Variants in SNRNP35 observed in about 807,000 individuals in gnomAD.
The protein encoded by SNRNP35 is small nuclear ribonucleoprotein U11/U12 subunit 35, also known as U11/U12 small nuclear ribonucleoprotein 35 kDa protein.
A neutral mutation model predicts 24.3 loss-of-function variants in SNRNP35; 16 were observed. That is an observed-to-expected ratio of 0.66 (90% confidence interval 0.45 to 1.00). The LOEUF is 1.00. Among genes scored for constraint, SNRNP35 ranks in the 50% least tolerant of loss-of-function variants. The probability of loss-of-function intolerance (pLI) is 0.00; values close to 1 mark genes in which losing one functional copy is unlikely to be tolerated. For synonymous variants in SNRNP35, 106 were observed against 124.8 expected (o/e 0.85, Z 1.00); for missense variants, 292 against 327.2 (o/e 0.89, Z 0.83).
downstream of SNRNP35, chr12:123,470,473 C>CAAAAA (rs57574691): frequency 1.2e-5 from 1 of 86,160 alleles, no homozygotes; most frequent in South Asian, 4.2e-4. Context: ...ACCCTGTGTC[C>CAAAAA]AAAAAAAAAA....
At chr12:123,463,205 C>T (rs1047700412) in intron 1 of SNRNP35, among the ~76,000 whole-genome samples, 2 of 151,714 alleles carry the variant, frequency 1.3e-5, no homozygotes, top group African/African-American at 2.4e-5. Context: ...GGACTACAGG[C>T]GTGCACCACC....
chr12:123,461,697 G>A (rs1036536377), intron 1 of SNRNP35, among the ~76,000 whole-genome samples: 2 of 151,266 alleles, frequency 1.3e-5, no homozygotes, highest in African/African-American at 4.9e-5. Context: ...AGGTTTGCCT[G>A]ATTTGGACTA....
chr12:123,470,289 G>T (rs1881125171), downstream of SNRNP35: 1 of 151,306 alleles, frequency 6.6e-6, no homozygotes, highest in Non-Finnish European at 1.5e-5. Context: ...ACCAGCTTAG[G>T]CAACAAAGTA....
intron 1 of SNRNP35, among the ~76,000 whole-genome samples, chr12:123,464,245 T>G (rs1439970749): frequency 1.3e-5 from 2 of 149,502 alleles, no homozygotes; most frequent in Admixed American, 1.3e-4. Flanking sequence ...CCAAGGTTTT[T>G]TTTTTTTTTT....
chr12:123,469,875 TAA>T (rs34918592), downstream of SNRNP35, among the ~76,000 whole-genome samples: 17 of 146,524 alleles, frequency 1.2e-4, no homozygotes, highest in Admixed American at 2.7e-4. Context: ...GCCATTTAAA[TAA>T]AAAAAAAAAG....
downstream of SNRNP35, among the ~76,000 whole-genome samples, chr12:123,468,358 C>CAAAAAAA (rs62816460): frequency 2.2e-5 from 2 of 92,134 alleles, no homozygotes; most frequent in Non-Finnish European, 4.0e-5. Flanking sequence ...GACTCTGTCT[C>CAAAAAAA]AAAAAAAAAA....
chr12:123,472,180 C>A (rs973138429), exon 2 of SNRNP35: 2 of 241,292 alleles, frequency 8.3e-6, no homozygotes, highest in Admixed American at 9.8e-5. Flanking sequence ...GCATTTTATA[C>A]AAAGCAAGTC....
Position 123,466,381 on chromosome 12 carries a change from C to G in SNRNP35, c.*100C>G, listed in dbSNP as rs1322562154. On this transcript the variant is annotated 3_prime_UTR_variant, in exon 2 of 2. Transcript: ENST00000526639. ...GAGTCTAATGGTTGAATAAAACTTA[C>G]TGATGATCATGGGGTTTGGAATAGT... 2 of 1,243,490 alleles carry G rather than the reference C, an allele frequency of 1.6e-6. No individual in the cohort carries two copies. Among genetic ancestry groups the G allele is most frequent in the Non-Finnish European group, 2.2e-6 (2 of 912,112 alleles). The allele number at this position is 1,243,490 out of a possible 1,614,324, so 77.0% of individuals were successfully genotyped here.
At chr12:123,472,688 G>C (rs751190241) in exon 2 of SNRNP35, 3 of 1,593,152 alleles carry the variant, frequency 1.9e-6, no homozygotes, top group East Asian at 4.5e-5. Flanking sequence ...TAAACCTTTG[G>C]AAGGGAAAGC....
At chr12:123,459,991 C>G in intron 1 of SNRNP35, 2 of 895,466 alleles carry the variant, frequency 2.2e-6, no homozygotes, top group Non-Finnish European at 3.6e-6. Context: ...TTGAAGAAGT[C>G]TTAAAGTTTT....
At chr12:123,472,340 G>A (rs1465278727) in exon 2 of SNRNP35, 1 of 575,842 alleles carries the variant, frequency 1.7e-6, no homozygotes, top group East Asian at 2.8e-5. Context: ...GATAGCCCTG[G>A]GTATAAATAA....
chr12:123,458,357 G>A, intron 1 of SNRNP35, 141 bp downstream of exon 1: 1 of 420,226 alleles, frequency 2.4e-6, no homozygotes, highest in Non-Finnish European at 3.2e-6. Flanking sequence ...GTTGCGTTGC[G>A]GGGAGTGGGG....
intron 1 of SNRNP35, among the ~76,000 whole-genome samples, chr12:123,464,272 C>T (rs1369986474): frequency 2.2e-5 from 3 of 137,740 alleles, no homozygotes; most frequent in Non-Finnish European, 4.6e-5. Flanking sequence ...TGGAGTCTTG[C>T]TCTGTCGCCC....
chr12:123,465,524 C>T lies in SNRNP35; in HGVS notation c.-3-14C>T, dbSNP rs756386292. On this transcript the variant is annotated splice_polypyrimidine_tract_variant and intron_variant, in intron 1 of 1. Coordinates refer to ENST00000526639, the MANE Select transcript of SNRNP35 (RefSeq NM_022717.4). This position sits in a 1 kb window ranked among gnomAD's most constrained non-coding sequence, Gnocchi z 4.2. ...AGTAGAGGCTCCATCCACGCTTGCTCTTATCATTCATAGAACATGAACGAT... is the reference window on the plus strand; with the variant it reads ...AGTAGAGGCTCCATCCACGCTTGCTTTTATCATTCATAGAACATGAACGAT... 43 of 1,531,280 alleles carry T rather than the reference C, an allele frequency of 2.8e-5. No homozygotes were observed. The highest frequency in any genetic ancestry group is 3.4e-5 in the Non-Finnish European group (39 of 1,140,082). 94.9% of individuals were successfully genotyped at this position (1,531,280 alleles called of 1,614,324 possible).
At chr12:123,469,885 A>G (rs1237211033), downstream of SNRNP35, among the ~76,000 whole-genome samples, 2 of 152,002 alleles carry the variant, frequency 1.3e-5, no homozygotes, top group Non-Finnish European at 2.9e-5. Flanking sequence ...TAAAAAAAAA[A>G]AGGAGGGCCA....
intron 1 of SNRNP35, among the ~76,000 whole-genome samples, chr12:123,461,101 C>T (rs1487795188): frequency 6.6e-6 from 1 of 151,204 alleles, no homozygotes; most frequent in Non-Finnish European, 1.5e-5. Flanking sequence ...AGGCGTGAGC[C>T]ACCACGCCCA....
Position 123,465,300 on chromosome 12 carries a change from G to T in SNRNP35, c.-3-238G>T, listed in dbSNP as rs1407849266. Among the ~76,000 whole-genome samples the T allele has an allele frequency of 6.6e-6, 1 of 152,216 alleles. No homozygotes were observed. Among genetic ancestry groups the T allele is most frequent in the Non-Finnish European group, 1.5e-5 (1 of 68,034 alleles). ...GTGAAACCCGAGCACGCTGCCCTCTGCTTCCTGAGAGGGCATTTGTAGGAG... is the reference window on the plus strand; with the variant it reads ...GTGAAACCCGAGCACGCTGCCCTCTTCTTCCTGAGAGGGCATTTGTAGGAG... On this transcript the variant is annotated intron_variant, in intron 1 of 1. Transcript: ENST00000526639. This position sits in a 1 kb window ranked among gnomAD's most constrained non-coding sequence, Gnocchi z 4.2.
intron 1 of SNRNP35, among the ~76,000 whole-genome samples, chr12:123,461,015 A>C (rs1320393430): frequency 1.7e-5 from 2 of 119,376 alleles, no homozygotes; most frequent in Non-Finnish European, 3.3e-5. Context: ...CATGTTTCCC[A>C]TGTTGCCCAG....
At chr12:123,460,982 T>TTTTTTA (rs1555262400) in intron 1 of SNRNP35, among the ~76,000 whole-genome samples, 1 of 125,492 alleles carries the variant, frequency 8.0e-6, no homozygotes, top group African/African-American at 2.8e-5. Context: ...TTTTTTTTTT[T>TTTTTTA]AAAAACAGAG....
Sources: gnomAD v4.1 joint callset for allele counts (sites outside exome capture counted in the v4.1 genomes callset) on GRCh38, gnomAD v4.1.1 for gene constraint, Gnocchi (gnomAD v3.1) non-coding constraint, MANE v1.5 for transcripts, NCBI Gene and HGNC (gene_info 2026-07-23, HGNC 2026-07-21) for gene names.